Variants in DNAAF9 observed in about 807,000 individuals in gnomAD.
DNAAF9 encodes the protein dynein axonemal assembly factor 9.
A neutral mutation model predicts 167.0 loss-of-function variants in DNAAF9; 90 were observed. The observed-to-expected ratio is 0.54, with a 90% CI of 0.45 to 0.64. DNAAF9 has a LOEUF of 0.64. Ranked by LOEUF, DNAAF9 falls within the 30% of genes least tolerant of loss-of-function variation. The pLI is 0.00. For missense variants in DNAAF9, 1,315 were observed against 1,442.2 expected, an observed-to-expected ratio of 0.91 and a Z score of 1.43; for synonymous variants, 491 against 508.8, an observed-to-expected ratio of 0.96 and a Z score of 0.47.
chr20:3,390,588 C>A (rs2083813478), intron 1 of DNAAF9, among the ~76,000 whole-genome samples: 1 of 152,180 alleles, frequency 6.6e-6, no homozygotes, highest in Non-Finnish European at 1.5e-5. Context: ...TGTTCTCGAA[C>A]TCCTGACCTC....
At chr20:3,344,353 C>T (rs1026677630) in intron 8 of DNAAF9, among the ~76,000 whole-genome samples, 15 of 151,914 alleles carry the variant, frequency 9.9e-5, no homozygotes, top group African/African-American at 3.1e-4. Context: ...ATTTTAATCC[C>T]GCTAAATAAT....
intron 30 of DNAAF9, among the ~76,000 whole-genome samples, chr20:3,264,879 T>C (rs1214690294): frequency 6.6e-6 from 1 of 152,246 alleles, no homozygotes. Flanking sequence ...GGACTGACTT[T>C]ACCTGCACGT....
chr20:3,330,529 C>T (rs2069806296), intron 12 of DNAAF9, 117 bp downstream of exon 12: 1 of 700,532 alleles, frequency 1.4e-6, no homozygotes, highest in Admixed American at 2.7e-5. Context: ...GTGTGCGCCA[C>T]CACACCCAGC....
chr20:3,359,679 C>T, intron 6 of DNAAF9, 86 bp from the exon 7 acceptor site: 2 of 954,666 alleles, frequency 2.1e-6, no homozygotes, highest in South Asian at 3.0e-5. Flanking sequence ...AGAAATGACT[C>T]TTTTGGTATA....
At chr20:3,389,299 C>A (rs1470633806) in intron 1 of DNAAF9, among the ~76,000 whole-genome samples, 1 of 151,534 alleles carries the variant, frequency 6.6e-6, no homozygotes, top group Non-Finnish European at 1.5e-5. Context: ...GTGCATACCA[C>A]CACACCCAGC....
At chr20:3,263,017 C>A (rs187255310) in intron 31 of DNAAF9, among the ~76,000 whole-genome samples, 1 of 138,958 alleles carries the variant, frequency 7.2e-6, no homozygotes, top group East Asian at 2.2e-4. Context: ...CTCTGTCGCC[C>A]AAGCTGGAGT....
intron 18 of DNAAF9, 60 bp downstream of exon 18, chr20:3,316,663 A>C: frequency 8.2e-7 from 1 of 1,224,916 alleles, no homozygotes; most frequent in Non-Finnish European, 1.2e-6. Context: ...GCTCTTCCTC[A>C]AGTGTTCACC....
intron 33 of DNAAF9, among the ~76,000 whole-genome samples, chr20:3,258,884 G>T (rs1055899829): frequency 3.3e-5 from 5 of 152,208 alleles, no homozygotes; most frequent in Non-Finnish European, 5.9e-5. Flanking sequence ...TTCCTGAAAT[G>T]TGTCTTTTCT....
rs1555790605 is a variant in DNAAF9, at chr20:3,310,333, A to AAGAAAGAAAG, written c.1678+4699_1678+4700insCTTTCTTTCT. 2.9e-3 allele frequency among the ~76,000 whole-genome samples: 305 copies of AAGAAAGAAAG among 106,172 alleles called. 1 individual carries two copies. The highest frequency in any genetic ancestry group is 0.011 in the African/African-American group (288 of 26,926). The allele number at this position is 106,172 out of a possible 152,430, so 69.7% of individuals were successfully genotyped here. A position where few individuals can be genotyped will look rare whatever the true frequency, so the allele number is the denominator to read the frequency against. ...GAAAGAAAGAAAGGAAAGAGAAAGA[A>AAGAAAGAAAG]AAAGAAAGAAAGAAAGAAAGAAAGA... On this transcript the variant is annotated intron_variant, in intron 20 of 36. Transcript: ENST00000252032.
intron 26 of DNAAF9, among the ~76,000 whole-genome samples, chr20:3,289,644 C>T (rs1275218772): frequency 2.0e-5 from 3 of 152,060 alleles, no homozygotes; most frequent in African/African-American, 4.8e-5. Context: ...CTCAGCCTCC[C>T]GAGTAGCTGG....
At chr20:3,294,010 AG>A (rs1235520611) in intron 25 of DNAAF9, 128 bp downstream of exon 25, 2 of 657,124 alleles carry the variant, frequency 3.0e-6, no homozygotes, top group South Asian at 1.8e-5. Flanking sequence ...TCAGGATCCA[AG>A]GAAGTGGAGA....
chr20:3,293,770 C>G (rs1294600939), intron 25 of DNAAF9, among the ~76,000 whole-genome samples: 1 of 151,982 alleles, frequency 6.6e-6, no homozygotes, highest in Non-Finnish European at 1.5e-5. Context: ...CATGGGTGCC[C>G]TTCCCTGTAT....
chr20:3,339,589 C>T (rs1373971511), intron 10 of DNAAF9, among the ~76,000 whole-genome samples: 1 of 152,142 alleles, frequency 6.6e-6, no homozygotes, highest in African/African-American at 2.4e-5. Flanking sequence ...CAGCAGTAAC[C>T]CCCTATTATA....
Position 3,249,367 on chromosome 20 carries a change from T to C in DNAAF9, c.*3205A>G, listed in dbSNP as rs750684836. ...TCTCGATTACCAAGGTAAATTCACA[T>C]ACACAACTGCAGGTAAAAACATGTA... is the stretch of plus-strand genomic sequence containing the variant. On this transcript the variant is annotated 3_prime_UTR_variant, in exon 37 of 37. Coordinates refer to ENST00000252032, the MANE Select transcript of DNAAF9 (RefSeq NM_001009984.3). 2.6e-5 allele frequency: 4 copies of C among 152,242 alleles called. No homozygotes were observed. The highest frequency in any genetic ancestry group is 4.8e-5 in the African/African-American group (2 of 41,468). The allele number at this position is 152,242 out of a possible 1,614,324, so 9.4% of individuals were successfully genotyped here.
intron 16 of DNAAF9, among the ~76,000 whole-genome samples, chr20:3,321,103 A>G (rs1013644208): frequency 6.6e-6 from 1 of 152,132 alleles, no homozygotes; most frequent in Non-Finnish European, 1.5e-5. Context: ...GCATCTCCAA[A>G]CCATGCCCCC....
In DNAAF9 at chr20:3,298,126, A is replaced by G. The variant is rs755430106; in HGVS notation, c.1832T>C (p.Leu611Ser). The change falls in exon 22 of 37, where the codon TTG (leucine) becomes TCG (serine). Residue 611 changes from leucine to serine, a missense_variant. By Grantham distance (145) the Leu-to-Ser change is moderately radical. Coordinates refer to ENST00000252032, the MANE Select transcript of DNAAF9 (RefSeq NM_001009984.3). ...AALLIDFKSS[L>S]LPHLPVHFHG... is the part of the protein sequence containing the mutation. ...GAAATGAACTGGGAGGTGAGGAAGC[A>G]ATGAGCTTTTGAAGTCTATGAGAAG... The G allele has an allele frequency of 6.2e-7, 1 of 1,613,570 alleles. No individual in the cohort carries two copies. The highest frequency in any genetic ancestry group is 1.1e-5 in the South Asian group (1 of 91,074).
chr20:3,261,676 T>C (rs956342754), intron 31 of DNAAF9, among the ~76,000 whole-genome samples: 11 of 151,856 alleles, frequency 7.2e-5, no homozygotes, highest in African/African-American at 2.4e-4. Context: ...CTGTTTCCTT[T>C]ATTTTAAAAC....
chr20:3,343,255 T>C (rs1338845731), intron 9 of DNAAF9, among the ~76,000 whole-genome samples: 2 of 152,116 alleles, frequency 1.3e-5, no homozygotes, highest in Non-Finnish European at 2.9e-5. Flanking sequence ...CTCCGCCTCC[T>C]GGGTTCAAGT....
chr20:3,309,880 A>C (rs944473303), intron 20 of DNAAF9, among the ~76,000 whole-genome samples: 2 of 152,168 alleles, frequency 1.3e-5, no homozygotes, highest in African/African-American at 4.8e-5. Context: ...GAATTGACAA[A>C]GAATTAGTAT....
Sources: gnomAD v4.1 joint callset for allele counts (sites outside exome capture counted in the v4.1 genomes callset) on GRCh38, gnomAD v4.1.1 for gene constraint, MANE v1.5 for transcripts, NCBI Gene and HGNC (gene_info 2026-07-23, HGNC 2026-07-21) for gene names.